The following CCDC171 variants were observed in gnomAD, a reference collection of about 807,000 sequenced individuals.
The protein encoded by CCDC171 is coiled-coil domain containing 171.
Under a neutral mutation model 168.2 loss-of-function variants are expected in CCDC171, and 177 were observed. The observed-to-expected ratio is 1.05, with a 90% CI of 0.93 to 1.19. The LOEUF is 1.19. Ranked by LOEUF, CCDC171 falls within the 50% of genes most tolerant of loss-of-function variation. The pLI is 0.00. For synonymous variants in CCDC171, 687 were observed against 540.8 expected (o/e 1.27, Z -3.75); for missense variants, 1,991 against 1,539.0 (o/e 1.29, Z -4.91).
At chr9:15,565,384 A>G (rs1035718792) in intron 2 of CCDC171, among the ~76,000 whole-genome samples, 2 of 152,076 alleles carry the variant, frequency 1.3e-5, no homozygotes, top group Admixed American at 6.6e-5. Flanking sequence ...GGGTCTTGTT[A>G]TGTTGCCCAG....
rs1827191042 is a variant in CCDC171, at chr9:15,936,970, G to A, written c.3753+16548G>A. Among the ~76,000 whole-genome samples, 3 of 152,144 alleles carry A rather than the reference G, an allele frequency of 2.0e-5. No individual in the cohort carries two copies. In the East Asian group the frequency reaches 5.8e-4, roughly 30 times the overall value. On this transcript the variant is annotated intron_variant, in intron 25 of 25. Coordinates refer to ENST00000380701, the MANE Select transcript of CCDC171 (RefSeq NM_173550.4). ...TATTGCTCAGTGCACAATTTCAACT[G>A]CAGCACCATTAGTGGACATTAAAGG...
chr9:15,928,675 T>C (rs1826159891), intron 25 of CCDC171, among the ~76,000 whole-genome samples: 1 of 151,746 alleles, frequency 6.6e-6, no homozygotes. Context: ...TTCATTAAGT[T>C]CTCTCATATT....
intron 9 of CCDC171, among the ~76,000 whole-genome samples, chr9:15,674,009 T>A (rs2049322449): frequency 1.3e-5 from 2 of 152,148 alleles, no homozygotes; most frequent in African/African-American, 4.8e-5. Flanking sequence ...GGCTATTAAT[T>A]TTTGCCTCAA....
chr9:16,039,308 G>A (rs759362206), upstream of CCDC171, among the ~76,000 whole-genome samples: 6 of 152,180 alleles, frequency 3.9e-5, no homozygotes, highest in African/African-American at 4.8e-5. Flanking sequence ...TTGACTCAGG[G>A]AGGGGGTGAT....
chr9:16,059,397 G>A (rs1217250212), intron 1 of CCDC171, among the ~76,000 whole-genome samples: 2 of 152,212 alleles, frequency 1.3e-5, no homozygotes, highest in South Asian at 2.1e-4. Flanking sequence ...TCCGGTGTCC[G>A]GAGAGGACTT....
chr9:15,911,737 AG>A (rs1395050668), intron 24 of CCDC171, among the ~76,000 whole-genome samples: 1 of 152,146 alleles, frequency 6.6e-6, no homozygotes, highest in Non-Finnish European at 1.5e-5. Context: ...GGTGTAAGGA[AG>A]GGGGTCCAGT....
chr9:15,708,147 A>G (rs2052388121), intron 11 of CCDC171, among the ~76,000 whole-genome samples: 1 of 152,202 alleles, frequency 6.6e-6, no homozygotes, highest in Admixed American at 6.5e-5. Context: ...TGCACCCCCA[A>G]AATACTGATT....
At chr9:15,853,681 G>C (rs2061230635) in intron 23 of CCDC171, among the ~76,000 whole-genome samples, 1 of 151,574 alleles carries the variant, frequency 6.6e-6, no homozygotes, top group Admixed American at 6.6e-5. Flanking sequence ...TTAATCTTAA[G>C]GGGAAAGTTT....
rs578127513 is a variant in CCDC171 at position 15,557,593 on chromosome 9, C to G, written c.-112+4291C>G. On this transcript the variant is annotated intron_variant, in intron 1 of 25. Transcript: ENST00000380701. ...GATTTTTGCACATTGATTTTGTATC[C>G]TGAGACTTTGCTGAAGTTGCTTATC... 7.9e-4 allele frequency among the ~76,000 whole-genome samples: 121 copies of G among 152,246 alleles called. 1 individual carries two copies. The highest frequency in any genetic ancestry group is 2.7e-3 in the African/African-American group (114 of 41,558).
intron 1 of CCDC171, among the ~76,000 whole-genome samples, chr9:16,050,304 G>A (rs1418443664): frequency 1.3e-5 from 2 of 152,238 alleles, no homozygotes; most frequent in South Asian, 2.1e-4. Flanking sequence ...TACTGGTGCT[G>A]TAAAAGCATA....
intron 3 of CCDC171, among the ~76,000 whole-genome samples, chr9:15,577,724 C>A (rs1237962801): frequency 6.6e-6 from 1 of 152,186 alleles, no homozygotes; most frequent in Non-Finnish European, 1.5e-5. Flanking sequence ...GAGATTAAGA[C>A]AACCCAACAT....
chr9:15,795,824 C>T (rs2058526855), intron 21 of CCDC171, among the ~76,000 whole-genome samples: 1 of 152,142 alleles, frequency 6.6e-6, no homozygotes, highest in Non-Finnish European at 1.5e-5. Flanking sequence ...TAGGCCTGTG[C>T]CACACACAGG....
chr9:15,623,470 C>CGCGCGCGCGCGCGCGT lies in CCDC171; in HGVS notation c.822+63_822+64insGCGCGCGCGTGCGCGC, dbSNP rs1554714826. On this transcript the variant is annotated intron_variant, in intron 7 of 25. Coordinates refer to ENST00000380701, the MANE Select transcript of CCDC171 (RefSeq NM_173550.4). ...GCGTACAAACTTTCACATATGCGCG[C>CGCGCGCGCGCGCGCGT]GCGCGCACACACACACACACACACA... is the stretch of plus-strand genomic sequence containing the variant. 1.1e-5 allele frequency: 8 copies of CGCGCGCGCGCGCGCGT among 753,522 alleles called. 1 individual carries two copies. Among genetic ancestry groups the CGCGCGCGCGCGCGCGT allele is most frequent in the Admixed American group, 5.4e-5 (2 of 36,838 alleles). The allele number at this position is 753,522 out of a possible 1,614,324, so 46.7% of individuals were successfully genotyped here.
chr9:15,951,596 G>T lies in CCDC171; in HGVS notation c.3754-20013G>T, dbSNP rs989825000. ...GGTAGGAGGTAGTATCTCATTGTAG[G>T]TTTGATTTGCATTTCCCTAATGATT... is the stretch of plus-strand genomic sequence containing the variant. On this transcript the variant is annotated intron_variant, in intron 25 of 25. Coordinates refer to ENST00000380701, the MANE Select transcript of CCDC171 (RefSeq NM_173550.4). Among the ~76,000 whole-genome samples the T allele has an allele frequency of 2.6e-5, 4 of 151,748 alleles. No homozygotes were observed. In the South Asian group the frequency reaches 6.2e-4, roughly 24 times the overall value.
intron 25 of CCDC171, among the ~76,000 whole-genome samples, chr9:15,939,000 G>T (rs754858304): frequency 6.6e-6 from 1 of 150,800 alleles, no homozygotes; most frequent in Non-Finnish European, 1.5e-5. Flanking sequence ...AATTTTTCAC[G>T]ATCTTTTATT....
At chr9:15,945,820 TTTTG>T (rs1490025223) in intron 25 of CCDC171, among the ~76,000 whole-genome samples, 6 of 151,774 alleles carry the variant, frequency 4.0e-5, no homozygotes, top group Non-Finnish European at 8.8e-5. Flanking sequence ...TTTTCTCCCA[TTTTG>T]TGGGTTGCCT....
At chr9:15,771,713 A>G (rs2057023282) in intron 18 of CCDC171, among the ~76,000 whole-genome samples, 2 of 152,138 alleles carry the variant, frequency 1.3e-5, no homozygotes, top group African/African-American at 4.8e-5. Flanking sequence ...TCAAGGTAGT[A>G]TTGCTCATAT....
chr9:16,012,368 A>AT (rs1240127329), intron 3 of CCDC171, among the ~76,000 whole-genome samples: 1 of 152,134 alleles, frequency 6.6e-6, no homozygotes, highest in East Asian at 1.9e-4. Flanking sequence ...CATTGAACAA[A>AT]TACACTCATG....
chr9:15,755,719 C>G (rs1227025570), intron 18 of CCDC171, among the ~76,000 whole-genome samples: 1 of 152,082 alleles, frequency 6.6e-6, no homozygotes, highest in East Asian at 1.9e-4. Context: ...TTGCATGATT[C>G]CATTTATTTG....
Sources: allele counts gnomAD v4.1 joint callset (sites outside exome capture counted in the v4.1 genomes callset), GRCh38; gene constraint gnomAD v4.1.1; transcripts MANE v1.5; gene names NCBI Gene and HGNC (gene_info 2026-07-23, HGNC 2026-07-21).